The following GTF2F2 variants were observed in gnomAD, a reference collection of about 807,000 sequenced individuals.
GTF2F2 encodes the protein general transcription factor IIF subunit 2, also known as ATP-dependent helicase GTF2F2.
GTF2F2 carries 23 observed loss-of-function variants against 42.2 expected under a neutral mutation model. That is an observed-to-expected ratio of 0.55 (90% CI 0.39 to 0.77). The LOEUF (loss-of-function observed/expected upper bound fraction) is 0.77, where lower values mean the gene tolerates loss of function less well. Ranked by LOEUF, GTF2F2 falls within the 30% of genes least tolerant of loss-of-function variation. The pLI, the probability that GTF2F2 is intolerant of heterozygous loss-of-function variation, is 0.00. For synonymous variants in GTF2F2, 105 were observed against 100.8 expected (o/e 1.04, Z -0.25); for missense variants, 261 against 287.2 (o/e 0.91, Z 0.66).
intron 5 of GTF2F2, among the ~76,000 whole-genome samples, chr13:45,208,387 T>C (rs1873503214): frequency 6.6e-6 from 1 of 152,214 alleles, no homozygotes; most frequent in Non-Finnish European, 1.5e-5. Context: ...AAATATATTA[T>C]ACCTGTTTCA....
intron 4 of GTF2F2, among the ~76,000 whole-genome samples, chr13:45,165,581 C>T (rs1490452153): frequency 9.3e-5 from 14 of 150,580 alleles, no homozygotes; most frequent in South Asian, 2.1e-4. Flanking sequence ...CCCCCCGCCG[C>T]CCGCTTTTAA....
intron 2 of GTF2F2, among the ~76,000 whole-genome samples, chr13:45,138,706 C>T (rs753681272): frequency 1.8e-4 from 27 of 152,166 alleles, no homozygotes; most frequent in Non-Finnish European, 2.8e-4. Flanking sequence ...AGTGCTGTGG[C>T]GTGATCTCAG....
chr13:45,216,544 T>A (rs1263683669), intron 5 of GTF2F2, among the ~76,000 whole-genome samples: 2 of 152,004 alleles, frequency 1.3e-5, no homozygotes, highest in Non-Finnish European at 2.9e-5. Flanking sequence ...TGAGATAGAG[T>A]CTTGCTCTGT....
At chr13:45,255,999 TATA>T (rs778173779) in intron 6 of GTF2F2, among the ~76,000 whole-genome samples, 2 of 152,208 alleles carry the variant, frequency 1.3e-5, no homozygotes, top group African/African-American at 2.4e-5. Flanking sequence ...CTCAATGATA[TATA>T]TACAATAATG....
At chr13:45,212,488 T>TTTCTTTCC (rs1873713662) in intron 5 of GTF2F2, among the ~76,000 whole-genome samples, 1 of 129,710 alleles carries the variant, frequency 7.7e-6, no homozygotes, top group Non-Finnish European at 1.6e-5. Flanking sequence ...TCTTTCTTTC[T>TTTCTTTCC]TTCTTTCTTT....
chr13:45,130,424 G>C (rs1164813272), intron 1 of GTF2F2, among the ~76,000 whole-genome samples: 2 of 152,220 alleles, frequency 1.3e-5, no homozygotes, highest in Non-Finnish European at 2.9e-5. Context: ...GTTTTGAGCA[G>C]AACAGTATCA....
At chr13:45,274,880 C>T (rs1876963542) in intron 7 of GTF2F2, among the ~76,000 whole-genome samples, 1 of 151,922 alleles carries the variant, frequency 6.6e-6, no homozygotes, top group South Asian at 2.1e-4. Context: ...CCACTGTACC[C>T]CAGCCTGAAT....
intron 5 of GTF2F2, among the ~76,000 whole-genome samples, chr13:45,235,613 A>G (rs1057154205): frequency 6.6e-6 from 1 of 151,338 alleles, no homozygotes; most frequent in African/African-American, 2.4e-5. Context: ...TTCCTGAGAT[A>G]GAGTCCCGCT....
intron 4 of GTF2F2, among the ~76,000 whole-genome samples, chr13:45,180,126 C>T (rs1872078696): frequency 6.6e-6 from 1 of 152,186 alleles, no homozygotes; most frequent in South Asian, 2.1e-4. Context: ...GTTATCACTT[C>T]ATCAAGGCTG....
intron 2 of GTF2F2, among the ~76,000 whole-genome samples, chr13:45,147,079 A>G (rs1017677670): frequency 3.9e-5 from 6 of 152,178 alleles, no homozygotes; most frequent in African/African-American, 2.4e-5. Flanking sequence ...TTATAATTAT[A>G]TATGTGTGAA....
chr13:45,225,407 T>C (rs1324725347), intron 5 of GTF2F2, among the ~76,000 whole-genome samples: 1 of 152,152 alleles, frequency 6.6e-6, no homozygotes, highest in African/African-American at 2.4e-5. Flanking sequence ...AAATATCATT[T>C]CTTATTTCTT....
intron 1 of GTF2F2, among the ~76,000 whole-genome samples, chr13:45,133,821 T>G (rs539584675): frequency 6.6e-6 from 1 of 152,246 alleles, no homozygotes; most frequent in South Asian, 2.1e-4. Flanking sequence ...CTTTTTAAAG[T>G]GTGTATAAAA....
At chr13:45,159,188 T>C (rs1042757846) in intron 4 of GTF2F2, among the ~76,000 whole-genome samples, 13 of 152,228 alleles carry the variant, frequency 8.5e-5, no homozygotes, top group Non-Finnish European at 1.5e-4. Flanking sequence ...ACTTTCAAGC[T>C]TGAATTTGGT....
At chr13:45,192,793 T>C (rs2138171220) in intron 4 of GTF2F2, 1 of 152,330 alleles carries the variant, frequency 6.6e-6, no homozygotes, top group East Asian at 1.9e-4. Flanking sequence ...ATAAGAATAA[T>C]GTTTAGTGAT....
intron 5 of GTF2F2, among the ~76,000 whole-genome samples, chr13:45,207,754 A>G (rs1873475951): frequency 6.6e-6 from 1 of 152,288 alleles, no homozygotes; most frequent in African/African-American, 2.4e-5. Flanking sequence ...TTTAAACTAC[A>G]TTTTCTAGTT....
At chr13:45,267,041 C>T (rs1221976768) in intron 6 of GTF2F2, among the ~76,000 whole-genome samples, 192 bp from the exon 7 acceptor site, 6 of 151,468 alleles carry the variant, frequency 4.0e-5, no homozygotes, top group African/African-American at 9.7e-5. Flanking sequence ...CCCAGCTACT[C>T]GGGAGGCTGA....
chr13:45,243,506 C>G (rs936944093), intron 5 of GTF2F2, among the ~76,000 whole-genome samples: 4 of 152,212 alleles, frequency 2.6e-5, no homozygotes, highest in African/African-American at 9.6e-5. Flanking sequence ...AAATTGTCTT[C>G]CACAAAACCA....
At chr13:45,263,403 T>C (rs1283182852) in intron 6 of GTF2F2, among the ~76,000 whole-genome samples, 3 of 152,232 alleles carry the variant, frequency 2.0e-5, no homozygotes, top group Middle Eastern at 3.4e-3. Flanking sequence ...TAATTTTTTG[T>C]ATTTTTAGTA....
At chr13:45,132,820 G>A (rs993976913) in intron 1 of GTF2F2, among the ~76,000 whole-genome samples, 3 of 151,754 alleles carry the variant, frequency 2.0e-5, no homozygotes, top group African/African-American at 7.3e-5. Context: ...ACAGAGGGAG[G>A]AGGAAGGAAG....
Sources: gnomAD v4.1 joint callset for allele counts (sites outside exome capture counted in the v4.1 genomes callset) on GRCh38, gnomAD v4.1.1 for gene constraint, MANE v1.5 for transcripts, NCBI Gene and HGNC (gene_info 2026-07-23, HGNC 2026-07-21) for gene names.